The following ZNF654 variants were observed in gnomAD, a reference collection of about 807,000 sequenced individuals.
ZNF654 encodes the protein melanoma-associated antigen.
Under a neutral mutation model 95.3 loss-of-function variants are expected in ZNF654, and 19 were observed. The ratio of observed to expected loss-of-function variants is 0.20; its 90% confidence interval spans 0.14 to 0.29. The LOEUF (loss-of-function observed/expected upper bound fraction) is 0.29, where lower values mean the gene tolerates loss of function less well. Ranked by LOEUF, ZNF654 falls within the 10% of genes least tolerant of loss-of-function variation. ZNF654 has a pLI of 1.00. For synonymous variants in ZNF654, 413 were observed against 457.9 expected (o/e 0.90, Z 1.25); for missense variants, 1,046 against 1,341.0 (o/e 0.78, Z 3.44).
At chr3:88,072,069 G>A (rs1707547098) in intron 1 of ZNF654, among the ~76,000 whole-genome samples, 1 of 152,150 alleles carries the variant, frequency 6.6e-6, no homozygotes, top group Non-Finnish European at 1.5e-5. Context: ...GAGTATTGTA[G>A]AGGGTATTCC....
At chr3:88,125,031 C>A (rs551634896) in intron 3 of ZNF654, among the ~76,000 whole-genome samples, 1 of 151,754 alleles carries the variant, frequency 6.6e-6, no homozygotes, top group Non-Finnish European at 1.5e-5. Context: ...CTGGCTAACA[C>A]GGTGAAACTC....
At chr3:88,074,379 TCGCC>T (rs1707684334) in intron 1 of ZNF654, among the ~76,000 whole-genome samples, 1 of 151,660 alleles carries the variant, frequency 6.6e-6, no homozygotes, top group Non-Finnish European at 1.5e-5. Context: ...TCTTGCTTTA[TCGCC>T]CAGGCTGGAG....
chr3:88,064,614 C>A (rs1466458563), intron 1 of ZNF654, among the ~76,000 whole-genome samples: 6 of 152,180 alleles, frequency 3.9e-5, no homozygotes, highest in Admixed American at 3.9e-4. Flanking sequence ...TGTTCCCAAA[C>A]TCCCTCTACT....
chr3:88,108,985 T>C (rs1348163299), intron 2 of ZNF654, among the ~76,000 whole-genome samples: 5 of 152,072 alleles, frequency 3.3e-5, no homozygotes, highest in Non-Finnish European at 5.9e-5. Context: ...TTAAGGTGCT[T>C]AGTTAAGATG....
Position 88,139,320 on chromosome 3 carries a change from A to G in ZNF654, c.1651A>G (p.Asn551Asp). ...NVPRHRCMLC[N>D]KEFLGGHIVR... is the part of the protein sequence containing the mutation. ...CCCAAGGCATCGTTGTATGTTATGT[A>G]ACAAGGAATTTTTAGGTGGTCACAT... Residue 551 changes from asparagine to aspartate, a missense_variant, in exon 8 of 9, where the codon AAC becomes GAC. Around this residue, in one of 9 missense-constraint regions of ZNF654, gnomAD observed 100 missense variants for 108.9 expected, o/e 0.92. Transcript: ENST00000636215. The G allele has an allele frequency of 6.2e-7, 1 of 1,602,900 alleles. No individual in the cohort carries two copies. The highest frequency in any genetic ancestry group is 8.5e-7 in the Non-Finnish European group (1 of 1,175,892).
At position 88,102,339 on chromosome 3, in the gene ZNF654, T is replaced by G. The variant is rs559257364; in HGVS notation, c.333-10776T>G. 5.3e-5 allele frequency among the ~76,000 whole-genome samples: 8 copies of G among 152,252 alleles called. No individual in the cohort carries two copies. The East Asian group carries it at 1.2e-3, about 22-fold the overall frequency. On this transcript the variant is annotated intron_variant, in intron 2 of 8. Transcript: ENST00000636215. The stretch of plus-strand genomic sequence containing the variant: ...AGCTGTCTTGCAGCTCATTAATAGC[T>G]CTAGTCGTTTTTTGTCTTTCTCTTT...
chr3:88,081,935 A>G lies in ZNF654; in HGVS notation c.187-4322A>G, dbSNP rs9863151. ...CAACTACGTTACAAATGAATAACAT[A>G]AGCATACTGAAGGGGGTAAGACTAA... On this transcript the variant is annotated intron_variant, in intron 1 of 8. Coordinates refer to ENST00000636215, the MANE Select transcript of ZNF654 (RefSeq NM_001350134.2). Among the ~76,000 whole-genome samples the G allele has an allele frequency of 8.5e-3, 1,294 of 152,322 alleles. 18 individuals carry two copies. Among genetic ancestry groups the G allele is most frequent in the African/African-American group, 0.03 (1,242 of 41,552 alleles).
At chr3:88,130,349 G>T (rs1050175604) in intron 6 of ZNF654, among the ~76,000 whole-genome samples, 19 of 152,122 alleles carry the variant, frequency 1.2e-4, no homozygotes, top group African/African-American at 4.6e-4. Flanking sequence ...AATCTGAAAT[G>T]ATCATGGGCT....
chr3:88,077,817 T>C (rs1462436442), intron 1 of ZNF654, among the ~76,000 whole-genome samples: 1 of 152,214 alleles, frequency 6.6e-6, no homozygotes, highest in Admixed American at 6.5e-5. Context: ...ACTGTGTGTT[T>C]AATGGAAATC....
Position 88,142,296 on chromosome 3 carries a change from CAAAA to C in ZNF654, c.*649_*652del, listed in dbSNP as rs77096741. The C allele has an allele frequency of 3.3e-5, 5 of 151,140 alleles. No homozygotes were observed. The highest frequency in any genetic ancestry group is 2.6e-4 in the Admixed American group (4 of 15,140). The allele number at this position is 151,140 out of a possible 1,614,324, so 9.4% of individuals were successfully genotyped here. Reference sequence around the variant, plus strand: ...CAGCATTGAAAATTAAAAAACAAAACAAAAAAAACCACAGTGCTTTGCTAATAAG... The same window carrying C: ...CAGCATTGAAAATTAAAAAACAAAACAAAACCACAGTGCTTTGCTAATAAG... On this transcript the variant is annotated 3_prime_UTR_variant, in exon 9 of 9. Transcript: ENST00000636215.
At chr3:88,089,221 G>A (rs1451573207) in intron 2 of ZNF654, among the ~76,000 whole-genome samples, 1 of 149,326 alleles carries the variant, frequency 6.7e-6, no homozygotes, top group African/African-American at 2.4e-5. Flanking sequence ...CCCGGGTGCG[G>A]TGGCTCACGC....
intron 1 of ZNF654, among the ~76,000 whole-genome samples, chr3:88,080,511 T>C (rs1708024431): frequency 1.3e-5 from 2 of 152,158 alleles, no homozygotes; most frequent in South Asian, 4.1e-4. Context: ...ATTCATTTTA[T>C]AGGTAATTTA....
intron 7 of ZNF654, among the ~76,000 whole-genome samples, chr3:88,135,733 G>A (rs4374552): frequency 0.78 from 119,052 of 151,922 alleles, 47,553 homozygotes; most frequent in South Asian, 0.91. Flanking sequence ...ACTTGCAAGT[G>A]AGTACAATCC....
At chr3:88,099,334 A>G (rs951477077) in intron 2 of ZNF654, among the ~76,000 whole-genome samples, 3 of 152,238 alleles carry the variant, frequency 2.0e-5, no homozygotes, top group African/African-American at 7.2e-5. Flanking sequence ...AGAGGTCACA[A>G]ACAAATGGAA....
rs376756243 is a variant in ZNF654 at position 88,073,821 on chromosome 3, ATATT to A, written c.187-12432_187-12429del. On this transcript the variant is annotated intron_variant, in intron 1 of 8. Coordinates refer to ENST00000636215, the MANE Select transcript of ZNF654 (RefSeq NM_001350134.2). Reference sequence around the variant, plus strand: ...ATGTACATTTTTATTAATCTTGAGTATATTTATCCCTATTTAATAAGAGAGCAGT... The same window carrying A: ...ATGTACATTTTTATTAATCTTGAGTATATCCCTATTTAATAAGAGAGCAGT... 3.0e-3 allele frequency among the ~76,000 whole-genome samples: 458 copies of A among 152,310 alleles called. 2 individuals carry two copies. The highest frequency in any genetic ancestry group is 9.3e-3 in the African/African-American group (387 of 41,570).
intron 1 of ZNF654, among the ~76,000 whole-genome samples, chr3:88,084,369 G>A (rs1708233120): frequency 6.6e-6 from 1 of 152,134 alleles, no homozygotes; most frequent in African/African-American, 2.4e-5. Flanking sequence ...CCGGAGTAGG[G>A]GTTTGGTAAC....
chr3:88,122,493 T>C (rs765147034), intron 3 of ZNF654, among the ~76,000 whole-genome samples: 32 of 152,192 alleles, frequency 2.1e-4, no homozygotes, highest in Non-Finnish European at 4.0e-4. Flanking sequence ...GAAAAGAATC[T>C]TCCTTTTGGG....
chr3:88,101,600 G>C (rs1329686247), intron 2 of ZNF654, among the ~76,000 whole-genome samples: 2 of 152,020 alleles, frequency 1.3e-5, no homozygotes, highest in Non-Finnish European at 2.9e-5. Flanking sequence ...GCAATTGATG[G>C]CTATTCAGAT....
chr3:88,111,955 T>C (rs1331544690), intron 2 of ZNF654, among the ~76,000 whole-genome samples: 6 of 151,986 alleles, frequency 3.9e-5, no homozygotes. Flanking sequence ...GCATTTACTT[T>C]CTGCGAAATA....
Sources: gnomAD v4.1 joint callset for allele counts (sites outside exome capture counted in the v4.1 genomes callset) on GRCh38, gnomAD v4.1.1 for gene constraint, gnomAD v4.1.1 regional missense constraint, MANE v1.5 for transcripts, NCBI Gene and HGNC (gene_info 2026-07-23, HGNC 2026-07-21) for gene names.